TMEM9B: variants seen among roughly 807,000 people sequenced by gnomAD.
TMEM9B encodes the protein transmembrane protein 9B.
TMEM9B carries 8 observed loss-of-function variants against 23.5 expected under a neutral mutation model. The observed-to-expected ratio is 0.34, with a 90% confidence interval of 0.20 to 0.61. TMEM9B has a LOEUF of 0.61. TMEM9B is among the 20% of genes least tolerant of loss of function. TMEM9B has a pLI of 0.78. For missense variants in TMEM9B, 197 were observed against 252.3 expected, an observed-to-expected ratio of 0.78 and a Z score of 1.49; for synonymous variants, 106 against 96.3, an observed-to-expected ratio of 1.10 and a Z score of -0.59.
chr11:8,958,280 G>T (rs1854009889), intron 2 of TMEM9B, among the ~76,000 whole-genome samples: 1 of 150,726 alleles, frequency 6.6e-6, no homozygotes, highest in Admixed American at 6.6e-5. Context: ...GACCAACAGG[G>T]TGAAACCCCA....
In TMEM9B at chr11:8,947,515, A is replaced by G. The variant is rs905648405; in HGVS notation, c.*805T>C. 6.6e-6 allele frequency: 1 copy of G among 152,646 alleles called. No individual in the cohort carries two copies. Among genetic ancestry groups the G allele is most frequent in the Admixed American group, 6.5e-5 (1 of 15,270 alleles). 9.5% of individuals were successfully genotyped at this position (152,646 alleles called of 1,614,324 possible). A position where few individuals can be genotyped will look rare whatever the true frequency, so the allele number is the denominator to read the frequency against. On this transcript the variant is annotated 3_prime_UTR_variant, in exon 5 of 5. Transcript: ENST00000534025. ...ATCCAGGGAGGCTTGGGTTTAAAAT[A>G]AAATTTCTTTATTGCAAGTGTCCAA...
rs550385680 is a variant in TMEM9B, at chr11:8,950,403, TG to T, written c.442-1929del. On this transcript the variant is annotated intron_variant, in intron 4 of 4. Coordinates refer to ENST00000534025, the MANE Select transcript of TMEM9B (RefSeq NM_020644.3). Reference sequence around the variant, plus strand: ...CAGAGGAGGAAAATATTATCACCATTGGTTTGTTTTGACATAAGCAATACTG... The same window carrying T: ...CAGAGGAGGAAAATATTATCACCATTGTTTGTTTTGACATAAGCAATACTG... Among the ~76,000 whole-genome samples the T allele has an allele frequency of 2.9e-3, 447 of 152,328 alleles. 1 individual carries two copies. Among genetic ancestry groups the T allele is most frequent in the African/African-American group, 0.01 (419 of 41,580 alleles).
chr11:8,964,505 T>C, upstream of TMEM9B: 2 of 1,402,710 alleles, frequency 1.4e-6, no homozygotes, highest in Non-Finnish European at 1.8e-6. Context: ...CCGGAACCGG[T>C]TACCAGTGCG....
intron 2 of TMEM9B, among the ~76,000 whole-genome samples, chr11:8,960,454 A>C (rs1300970111): frequency 6.6e-6 from 1 of 151,850 alleles, no homozygotes; most frequent in East Asian, 1.9e-4. Context: ...AACTGTTTTC[A>C]AAGCCAAAGC....
chr11:8,960,784 C>T (rs1468388854), intron 2 of TMEM9B, among the ~76,000 whole-genome samples: 2 of 151,562 alleles, frequency 1.3e-5, no homozygotes, highest in Admixed American at 6.6e-5. Flanking sequence ...CGGGTTCAAG[C>T]GATTCTCCTG....
rs1333702047 is a variant in TMEM9B at position 8,960,707 on chromosome 11, G to A, written c.197+1385C>T. ...TTCTTTTTTTTTTTTTTTGAGCTAG[G>A]GTCTCGCTCTGTCACCCAGGCTGGA... On this transcript the variant is annotated intron_variant, in intron 2 of 4. Transcript: ENST00000534025. Among the ~76,000 whole-genome samples, 4 of 149,906 alleles carry A rather than the reference G, an allele frequency of 2.7e-5. No homozygotes were observed. In the East Asian group the frequency reaches 7.9e-4, roughly 30 times the overall value.
chr11:8,948,498 C>T (rs760603991), intron 4 of TMEM9B, 23 bp from the exon 5 acceptor site: 9 of 1,610,212 alleles, frequency 5.6e-6, no homozygotes, highest in African/African-American at 5.3e-5. Context: ...GAATGGAGAA[C>T]ATTAGAGATG....
intron 2 of TMEM9B, among the ~76,000 whole-genome samples, chr11:8,959,049 G>C (rs1854026567): frequency 6.6e-6 from 1 of 152,200 alleles, no homozygotes; most frequent in Non-Finnish European, 1.5e-5. Context: ...GGCACAAAAT[G>C]GGCAGAGGGA....
chr11:8,963,940 C>T (rs1854130893), intron 1 of TMEM9B: 1 of 488,008 alleles, frequency 2.0e-6, no homozygotes, highest in South Asian at 2.9e-5. Flanking sequence ...AATGTTAAGG[C>T]GGTGGGGGGC....
intron 2 of TMEM9B, among the ~76,000 whole-genome samples, chr11:8,961,692 C>CAAT (rs2134877123): frequency 6.6e-6 from 1 of 152,322 alleles, no homozygotes; most frequent in South Asian, 2.1e-4. Context: ...CCATACTTGG[C>CAAT]AATACATCAT....
At chr11:8,963,204 G>A (rs746797891) in intron 1 of TMEM9B, among the ~76,000 whole-genome samples, 1 of 152,250 alleles carries the variant, frequency 6.6e-6, no homozygotes, top group Non-Finnish European at 1.5e-5. Context: ...GTCAGGAGAC[G>A]TGCTGCTGTC....
chr11:8,958,159 C>CA (rs33947563), intron 2 of TMEM9B, among the ~76,000 whole-genome samples: 77 of 57,350 alleles, frequency 1.3e-3, no homozygotes, highest in African/African-American at 5.3e-3. Flanking sequence ...AACTCCGTCT[C>CA]AAAAAAAAAA....
Position 8,962,141 on chromosome 11 carries a change from T to C in TMEM9B, c.148A>G (p.Lys50Glu), listed in dbSNP as rs1256881664. Reference sequence around the variant, plus strand: ...TTATAAATATGCCCAGAATTTTCTTTATAGGGAGGGCAGATACATTTACAT... The same window carrying C: ...TTATAAATATGCCCAGAATTTTCTTCATAGGGAGGGCAGATACATTTACAT... Reference protein sequence around the residue: ...VRCKCICPPYKENSGHIYNKN... With the variant: ...VRCKCICPPYEENSGHIYNKN... The change falls in exon 2 of 5, where the codon AAA (lysine) becomes GAA (glutamate). Residue 50 changes from lysine (K) to glutamate (E), a missense_variant. By Grantham distance (56) the Lys-to-Glu change is moderately conservative. This residue lies in a region of TMEM9B where 141 missense variants were observed against 214.1 expected (regional missense o/e 0.66). Transcript: ENST00000534025. 15 of 1,605,394 alleles carry C rather than the reference T, an allele frequency of 9.3e-6. No homozygotes were observed. Among genetic ancestry groups the C allele is most frequent in the Non-Finnish European group, 1.3e-5 (15 of 1,177,234 alleles).
chr11:8,951,373 T>C (rs972903324), intron 4 of TMEM9B, among the ~76,000 whole-genome samples: 35 of 152,312 alleles, frequency 2.3e-4, no homozygotes, highest in African/African-American at 7.7e-4. Flanking sequence ...TTCTGAATTT[T>C]ACCCATTTTA....
In TMEM9B at chr11:8,964,243, A is replaced by T. The variant is rs1168007568; in HGVS notation, c.71T>A (p.Val24Glu). ...GTCTGACAGCTGCGCCAGCAGCAGCACGGAAAGCGCCAGGCACGACAGGCT... is the reference window on the plus strand; with the variant it reads ...GTCTGACAGCTGCGCCAGCAGCAGCTCGGAAAGCGCCAGGCACGACAGGCT... The part of the protein sequence containing the change: ...LLSLSCLALS[V>E]LLLAQLSDAA... Residue 24 changes from valine to glutamate, a missense_variant, in exon 1 of 5, where the codon GTG (valine) becomes GAG (glutamate). By Grantham distance (121) the Val-to-Glu change is moderately radical. Around this residue, in one of 2 missense-constraint regions of TMEM9B, gnomAD observed 56 missense variants for 38.2 expected, o/e 1.46. Transcript: ENST00000534025. The T allele has an allele frequency of 6.3e-7, 1 of 1,595,096 alleles. No individual in the cohort carries two copies. The highest frequency in any genetic ancestry group is 1.1e-5 in the South Asian group (1 of 88,114).
intron 2 of TMEM9B, among the ~76,000 whole-genome samples, chr11:8,960,595 G>A (rs892135043): frequency 2.0e-5 from 3 of 152,072 alleles, no homozygotes; most frequent in African/African-American, 7.2e-5. Context: ...GACAGGCATT[G>A]CATTTCATTA....
intron 4 of TMEM9B, among the ~76,000 whole-genome samples, chr11:8,949,445 A>G (rs1853836446): frequency 6.6e-6 from 1 of 152,246 alleles, no homozygotes; most frequent in African/African-American, 2.4e-5. Flanking sequence ...ACCCCGTGTT[A>G]GCAAAGCTTC....
At chr11:8,953,672 A>G (rs962858462) in intron 3 of TMEM9B, among the ~76,000 whole-genome samples, 2 of 152,242 alleles carry the variant, frequency 1.3e-5, no homozygotes, top group Non-Finnish European at 2.9e-5. Context: ...TAGATATACA[A>G]AAGTATTTTC....
intron 3 of TMEM9B, among the ~76,000 whole-genome samples, chr11:8,954,056 A>G (rs1853929760): frequency 6.6e-6 from 1 of 152,260 alleles, no homozygotes; most frequent in Admixed American, 6.5e-5. Flanking sequence ...ATAGTGAAAT[A>G]CTATTCAGCA....
Sources: gnomAD v4.1 joint callset for allele counts (sites outside exome capture counted in the v4.1 genomes callset) on GRCh38, gnomAD v4.1.1 for gene constraint, gnomAD v4.1.1 regional missense constraint, MANE v1.5 for transcripts, NCBI Gene and HGNC (gene_info 2026-07-23, HGNC 2026-07-21) for gene names.